LRRC53: variants seen among roughly 807,000 people sequenced by gnomAD.
The protein encoded by LRRC53 is leucine rich repeat containing 53, also known as leucine-rich repeat-containing protein 53.
A neutral mutation model predicts 13.6 loss-of-function variants in LRRC53; 25 were observed. The ratio of observed to expected loss-of-function variants is 1.83; its 90% confidence interval spans 1.34 to 2.56. The LOEUF (loss-of-function observed/expected upper bound fraction) is 2.56. LRRC53 is among the 30% of genes most tolerant of loss of function. LRRC53 has a pLI of 0.00. For synonymous variants in LRRC53, 204 were observed against 109.8 expected (o/e 1.86, Z -5.37); for missense variants, 527 against 275.8 (o/e 1.91, Z -6.45).
the LRRC53 span, among the ~76,000 whole-genome samples, chr1:74,535,837 C>G: frequency 1.3e-5 from 2 of 152,162 alleles, no homozygotes; most frequent in Non-Finnish European, 2.9e-5. Flanking sequence ...CACTCGTCAT[C>G]TGGAACAGAT....
At position 74,475,295 on chromosome 1, in the gene LRRC53, C is replaced by A; in HGVS notation, c.1420G>T (p.Asp474Tyr). ...ATTTTCTAAAACAAGACAAACTCACCTTCTGTTCTTATTATATGGTGTTGC... is the reference window on the plus strand; with the variant it reads ...ATTTTCTAAAACAAGACAAACTCACATTCTGTTCTTATTATATGGTGTTGC... ...TLQHHIIRTEDISSDIFRRRY... is the reference protein window; with the variant it reads ...TLQHHIIRTEYISSDIFRRRY... The change falls in exon 4 of 5, where the codon GAT (aspartate) becomes TAT (tyrosine). Residue 474 changes from aspartate to tyrosine, a missense_variant and splice_region_variant. Coordinates refer to ENST00000294635, the MANE Select transcript of LRRC53 (RefSeq NM_001382280.1). The A allele has an allele frequency of 1.5e-6, 1 of 645,264 alleles. No individual in the cohort carries two copies. The highest frequency in any genetic ancestry group is 2.8e-6 in the Non-Finnish European group (1 of 352,300). 40.0% of individuals were successfully genotyped at this position (645,264 alleles called of 1,614,324 possible). A position where few individuals can be genotyped will look rare whatever the true frequency, so the allele number is the denominator to read the frequency against.
At chr1:74,495,137 T>C (rs1271591420) in intron 1 of LRRC53, among the ~76,000 whole-genome samples, 1 of 152,198 alleles carries the variant, frequency 6.6e-6, no homozygotes, top group Non-Finnish European at 1.5e-5. Context: ...TTCCTGACTG[T>C]TATGGAACTC....
chr1:74,480,414 G>C lies in LRRC53; in HGVS notation c.643C>G (p.Gln215Glu), dbSNP rs1473743846. Residue 215 changes from glutamine to glutamate, a missense_variant, in exon 3 of 5, where the codon CAG becomes GAG. Coordinates refer to ENST00000294635, the MANE Select transcript of LRRC53 (RefSeq NM_001382280.1). ...QLILLSLDKN[Q>E]WSCTCDLHPL... is the part of the protein sequence containing the mutation. ...TGGAGATCACAAGTGCAGCTCCACT[G>C]GTTCTTATCTAAGCTCAGAAGGATT... 5 of 717,400 alleles carry C rather than the reference G, an allele frequency of 7.0e-6. No homozygotes were observed. Among genetic ancestry groups the C allele is most frequent in the Non-Finnish European group, 7.8e-6 (3 of 385,114 alleles). 44.4% of individuals were successfully genotyped at this position (717,400 alleles called of 1,614,324 possible). A position where few individuals can be genotyped will look rare whatever the true frequency, so the allele number is the denominator to read the frequency against.
chr1:74,508,543 G>T (rs905562021), intron 1 of LRRC53, among the ~76,000 whole-genome samples: 4 of 152,194 alleles, frequency 2.6e-5, no homozygotes, highest in African/African-American at 9.6e-5. Context: ...AAAAGACAGA[G>T]AGAAAAGGGT....
intron 1 of LRRC53, among the ~76,000 whole-genome samples, chr1:74,497,352 C>T (rs1374400509): frequency 1.3e-5 from 2 of 152,120 alleles, no homozygotes; most frequent in Non-Finnish European, 2.9e-5. Context: ...ACCTCTCTTG[C>T]ACTCTTTTTT....
chr1:74,511,349 C>T (rs190958463), intron 1 of LRRC53, among the ~76,000 whole-genome samples: 1 of 152,224 alleles, frequency 6.6e-6, no homozygotes, highest in Admixed American at 6.5e-5. Flanking sequence ...CACGTCACTA[C>T]ACCCTGCTAA....
At chr1:74,487,184 C>G (rs78531411) in intron 1 of LRRC53, among the ~76,000 whole-genome samples, 2,010 of 151,964 alleles carry the variant, frequency 0.013, 38 homozygotes, top group African/African-American at 0.046. Context: ...GGAGATTAAA[C>G]AATACAGAAG....
the LRRC53 span, among the ~76,000 whole-genome samples, chr1:74,517,738 A>G: frequency 1.3e-5 from 2 of 152,190 alleles, no homozygotes; most frequent in African/African-American, 4.8e-5. Context: ...TGAAACTAAG[A>G]CATCTTAGTT....
At chr1:74,500,456 T>A (rs901352518) in intron 1 of LRRC53, among the ~76,000 whole-genome samples, 1 of 151,266 alleles carries the variant, frequency 6.6e-6, no homozygotes, top group Admixed American at 6.6e-5. Flanking sequence ...ACAAAAAAAT[T>A]AGCCGGGCGT....
intron 1 of LRRC53, among the ~76,000 whole-genome samples, chr1:74,496,190 C>T (rs989901440): frequency 5.9e-5 from 9 of 152,068 alleles, no homozygotes; most frequent in Non-Finnish European, 1.0e-4. Context: ...GAGAATGATA[C>T]GATGCTAACC....
At chr1:74,489,374 G>T in intron 1 of LRRC53, 1 of 914,184 alleles carries the variant, frequency 1.1e-6, no homozygotes, top group Non-Finnish European at 1.6e-6. Flanking sequence ...ATCCATATTT[G>T]CCCTATTCAT....
At chr1:74,498,911 A>G (rs17095451) in intron 1 of LRRC53, among the ~76,000 whole-genome samples, 16,055 of 152,258 alleles carry the variant, frequency 0.11, 2,258 homozygotes, top group African/African-American at 0.32. Flanking sequence ...CTTCAAAGGT[A>G]GATTTCATGT....
At chr1:74,535,447 G>A in the LRRC53 span, among the ~76,000 whole-genome samples, 1 of 152,130 alleles carries the variant, frequency 6.6e-6, no homozygotes, top group Admixed American at 6.6e-5. Context: ...TCCAGCCTGG[G>A]TGACTGAGAG....
At chr1:74,527,695 G>A in the LRRC53 span, among the ~76,000 whole-genome samples, 2 of 152,162 alleles carry the variant, frequency 1.3e-5, no homozygotes, top group Admixed American at 1.3e-4. Context: ...CTGAGGGATT[G>A]GAATCAGGGA....
chr1:74,507,404 T>C (rs1296650120), intron 1 of LRRC53, among the ~76,000 whole-genome samples: 3 of 152,164 alleles, frequency 2.0e-5, no homozygotes, highest in African/African-American at 7.2e-5. Context: ...TTGTAATTAT[T>C]GATGTCTTTG....
chr1:74,478,058 CTT>C (rs1278602066), intron 3 of LRRC53, among the ~76,000 whole-genome samples: 1 of 152,050 alleles, frequency 6.6e-6, no homozygotes, highest in Non-Finnish European at 1.5e-5. Flanking sequence ...ATTTTTATGA[CTT>C]AGATATAGCT....
intron 1 of LRRC53, among the ~76,000 whole-genome samples, chr1:74,510,365 G>A (rs970549526): frequency 2.0e-5 from 3 of 152,004 alleles, no homozygotes; most frequent in Non-Finnish European, 2.9e-5. Flanking sequence ...AATATTAGCC[G>A]GGCATGGTGC....
rs1263379708 is a variant in LRRC53, at chr1:74,475,578, T to TAA, written c.1135_1136dup (p.Leu379PhefsTer25). The stretch of plus-strand genomic sequence containing the variant: ...ATGTTGCTTGATGGCTATTTTCCTG[T>TAA]AAAAGTGGCATTTCTTTTCTGGACC... On this transcript the variant is annotated frameshift_variant, in exon 4 of 5. Coordinates refer to ENST00000294635, the MANE Select transcript of LRRC53 (RefSeq NM_001382280.1). LOFTEE classifies it high-confidence loss of function. 1.4e-6 allele frequency: 1 copy of TAA among 717,306 alleles called. No individual in the cohort carries two copies. The highest frequency in any genetic ancestry group is 2.6e-6 in the Non-Finnish European group (1 of 384,960). The allele number at this position is 717,306 out of a possible 1,614,324, so 44.4% of individuals were successfully genotyped here. A position where few individuals can be genotyped will look rare whatever the true frequency, so the allele number is the denominator to read the frequency against.
chr1:74,474,159 A>G (rs1405263194), intron 4 of LRRC53, among the ~76,000 whole-genome samples: 2 of 152,186 alleles, frequency 1.3e-5, no homozygotes, highest in African/African-American at 4.8e-5. Context: ...CATCCCCTTC[A>G]GTTATAGGAG....
Sources: gnomAD v4.1 joint callset for allele counts (sites outside exome capture counted in the v4.1 genomes callset) on GRCh38, gnomAD v4.1.1 for gene constraint, MANE v1.5 for transcripts, NCBI Gene and HGNC (gene_info 2026-07-23, HGNC 2026-07-21) for gene names.